The following PDE10A variants were observed in gnomAD, a reference collection of about 807,000 sequenced individuals.
The protein encoded by PDE10A is phosphodiesterase 10A.
A neutral mutation model predicts 97.7 loss-of-function variants in PDE10A; 39 were observed. The ratio of observed to expected loss-of-function variants is 0.40; its 90% CI spans 0.31 to 0.52. PDE10A has a LOEUF of 0.52. Among genes scored for constraint, PDE10A ranks in the 20% least tolerant of loss-of-function variants. PDE10A has a pLI of 0.56. For synonymous variants in PDE10A, 371 were observed against 376.8 expected, an observed-to-expected ratio of 0.98 and a Z score of 0.18; for missense variants, 731 against 1,047.8, an observed-to-expected ratio of 0.70 and a Z score of 4.17.
At chr6:165,764,231 A>G (rs1368342145) in intron 1 of PDE10A, among the ~76,000 whole-genome samples, 1 of 152,208 alleles carries the variant, frequency 6.6e-6, no homozygotes, top group East Asian at 1.9e-4. Flanking sequence ...GTTATTCATC[A>G]TCCTGAATCT....
At chr6:165,952,927 G>A (rs1213902151) in intron 1 of PDE10A, among the ~76,000 whole-genome samples, 1 of 151,940 alleles carries the variant, frequency 6.6e-6, no homozygotes, top group Non-Finnish European at 1.5e-5. Context: ...TCTCATGAGT[G>A]TGAAACTGCC....
Position 165,730,622 on chromosome 6 carries a change from G to A in PDE10A, c.-614-187054C>T, listed in dbSNP as rs145229089. 2.3e-3 allele frequency among the ~76,000 whole-genome samples: 347 copies of A among 151,762 alleles called. 3 individuals carry two copies. The highest frequency in any genetic ancestry group is 8.0e-3 in the African/African-American group (329 of 41,344). Reference sequence around the variant, plus strand: ...TAAAAAATTAACTGGGCATGGTAGCGCATGCCTCTAATCCCAGCTACTCAG... The same window carrying A: ...TAAAAAATTAACTGGGCATGGTAGCACATGCCTCTAATCCCAGCTACTCAG... On this transcript the variant is annotated intron_variant, in intron 1 of 19. Coordinates refer to the PDE10A transcript ENST00000366882.
At chr6:165,562,846 T>G (rs867543539) in intron 1 of PDE10A, among the ~76,000 whole-genome samples, 20 of 152,240 alleles carry the variant, frequency 1.3e-4, no homozygotes, top group African/African-American at 4.8e-4. Context: ...CAATGTCTGC[T>G]GACATTATGG....
chr6:165,619,604 G>GTA lies in PDE10A; in HGVS notation c.865+42342_865+42343insTA, dbSNP rs1268349568. Among the ~76,000 whole-genome samples the GTA allele has an allele frequency of 2.6e-3, 395 of 151,466 alleles. 10 individuals carry two copies. The highest frequency in any genetic ancestry group is 6.5e-3 in the African/African-American group (268 of 40,986). On this transcript the variant is annotated intron_variant, in intron 1 of 21. Coordinates refer to ENST00000539869, the MANE Select transcript of PDE10A (RefSeq NM_001385079.1). Reference sequence around the variant, plus strand: ...GTAGTGTACTGTAGTCTAGCGTAGTGCACTGTAGTCTAGTGTACTGTAGTA... The same window carrying GTA: ...GTAGTGTACTGTAGTCTAGCGTAGTGTACACTGTAGTCTAGTGTACTGTAGTA...
Position 165,433,034 on chromosome 6 carries a change from A to C in PDE10A, c.1431T>G (p.Ile477Met). ...LPIVTAIGDL[I>M]GILELYRHWG... The stretch of plus-strand genomic sequence containing the variant: ...AGTGCCGATACAGCTCGAGAATACC[A>C]ATCAAGTCACCAATTGCAGTGACAA... Residue 477 changes from isoleucine (I) to methionine (M), a missense_variant, in exon 7 of 22, where the codon ATT (isoleucine) becomes ATG (methionine). Coordinates refer to ENST00000539869, the MANE Select transcript of PDE10A (RefSeq NM_001385079.1). The C allele has an allele frequency of 6.2e-7, 1 of 1,613,936 alleles. No homozygotes were observed. Among genetic ancestry groups the C allele is most frequent in the Non-Finnish European group, 8.5e-7 (1 of 1,179,860 alleles).
At chr6:165,624,407 G>C (rs965092635) in intron 1 of PDE10A, among the ~76,000 whole-genome samples, 7 of 152,202 alleles carry the variant, frequency 4.6e-5, no homozygotes, top group Non-Finnish European at 7.3e-5. Flanking sequence ...TGCTAGCACT[G>C]TTAGACGTTT....
chr6:165,384,754 T>C (rs1785180302), intron 17 of PDE10A, among the ~76,000 whole-genome samples: 1 of 151,968 alleles, frequency 6.6e-6, no homozygotes, highest in Non-Finnish European at 1.5e-5. Flanking sequence ...TAGCCAGCAG[T>C]ACTCTTCTGA....
chr6:165,912,314 G>C (rs1782486072), intron 1 of PDE10A, among the ~76,000 whole-genome samples: 1 of 152,060 alleles, frequency 6.6e-6, no homozygotes, highest in Non-Finnish European at 1.5e-5. Flanking sequence ...CATTTGTGAA[G>C]GCATCTACTC....
intron 1 of PDE10A, among the ~76,000 whole-genome samples, chr6:165,963,680 G>A (rs1333189656): frequency 6.6e-6 from 1 of 152,200 alleles, no homozygotes. Context: ...CAGCATGGGG[G>A]CGGCCACACC....
At chr6:165,920,111 T>A (rs1782714645) in intron 1 of PDE10A, among the ~76,000 whole-genome samples, 3 of 152,256 alleles carry the variant, frequency 2.0e-5, no homozygotes. Context: ...GTTACAAATT[T>A]TTTTGGATAC....
chr6:165,976,203 C>T (rs541300732), intron 1 of PDE10A, among the ~76,000 whole-genome samples: 1 of 152,290 alleles, frequency 6.6e-6, no homozygotes, highest in Admixed American at 6.5e-5. Flanking sequence ...TTTTAAGTTA[C>T]TGTTATGTGG....
chr6:165,468,910 GGGC>G (rs1778821834), intron 3 of PDE10A, among the ~76,000 whole-genome samples: 1 of 152,132 alleles, frequency 6.6e-6, no homozygotes, highest in South Asian at 2.1e-4. Context: ...CCATCTTTAT[GGGC>G]CTAAAACAGC....
At chr6:165,442,234 C>T (rs1028153297) in intron 5 of PDE10A, among the ~76,000 whole-genome samples, 4 of 152,190 alleles carry the variant, frequency 2.6e-5, no homozygotes, top group Non-Finnish European at 1.5e-5. Flanking sequence ...TGTTGGTGTG[C>T]TGCACCCATC....
At chr6:165,498,202 G>C (rs1780650932) in intron 2 of PDE10A, among the ~76,000 whole-genome samples, 1 of 151,702 alleles carries the variant, frequency 6.6e-6, no homozygotes, top group Non-Finnish European at 1.5e-5. Flanking sequence ...CTTGAGGCCA[G>C]GAGTTCGAAA....
At chr6:165,872,929 G>A (rs754660670) in intron 1 of PDE10A, among the ~76,000 whole-genome samples, 1 of 152,186 alleles carries the variant, frequency 6.6e-6, no homozygotes, top group Non-Finnish European at 1.5e-5. Flanking sequence ...GTGATTCCAG[G>A]AGCCAGATGT....
rs1368701887 is a variant in PDE10A, at chr6:165,661,987, C to T, written c.825G>A (p.Ala275=). The change falls in exon 1 of 22, where the codon GCG becomes GCA. Residue 275 remains alanine (A), a synonymous_variant. Coordinates refer to ENST00000539869, the MANE Select transcript of PDE10A (RefSeq NM_001385079.1). The surrounding 1 kb of genome is among the most constrained non-coding windows in gnomAD (Gnocchi z 4.8). The part of the protein sequence containing the change: ...SDMEDGPSNN[A]SCFRRLTECF... ...ACTCGGTCAGCCTTCGGAAGCAGCT[C>T]GCATTATTAGAAGGTCCATCTTCCA... is the stretch of plus-strand genomic sequence containing the variant. 2.1e-5 allele frequency: 28 copies of T among 1,358,328 alleles called. No individual in the cohort carries two copies. Among genetic ancestry groups the T allele is most frequent in the Admixed American group, 8.0e-5 (4 of 49,982 alleles). The allele number at this position is 1,358,328 out of a possible 1,614,324, so 84.1% of individuals were successfully genotyped here. A position where few individuals can be genotyped will look rare whatever the true frequency, so the allele number is the denominator to read the frequency against.
intron 1 of PDE10A, among the ~76,000 whole-genome samples, chr6:165,601,207 C>T (rs1229681357): frequency 3.9e-5 from 6 of 152,158 alleles, no homozygotes; most frequent in African/African-American, 1.4e-4. Context: ...TAAGAAGTGT[C>T]TTTCACCTCC....
At chr6:165,916,138 C>T (rs1016753669) in intron 1 of PDE10A, among the ~76,000 whole-genome samples, 1 of 152,200 alleles carries the variant, frequency 6.6e-6, no homozygotes, top group Non-Finnish European at 1.5e-5. Flanking sequence ...GTAATGATTC[C>T]ATTTTAAATA....
intron 18 of PDE10A, among the ~76,000 whole-genome samples, chr6:165,353,725 C>T (rs529562565): frequency 3.9e-5 from 6 of 152,108 alleles, no homozygotes; most frequent in Admixed American, 1.3e-4. Flanking sequence ...CCAGGAGTTG[C>T]GGAGAGTGAG....
Sources: allele counts gnomAD v4.1 joint callset (sites outside exome capture counted in the v4.1 genomes callset), GRCh38; gene constraint gnomAD v4.1.1; non-coding constraint Gnocchi (gnomAD v3.1); transcripts MANE v1.5; gene names NCBI Gene and HGNC (gene_info 2026-07-23, HGNC 2026-07-21).